The following CCDC91 variants were observed in gnomAD, a reference collection of about 807,000 sequenced individuals.
CCDC91 encodes coiled-coil domain containing 91.
Under a neutral mutation model 63.2 loss-of-function variants are expected in CCDC91, and 48 were observed. That is an observed-to-expected ratio of 0.76 (90% confidence interval 0.60 to 0.97). CCDC91 has a LOEUF of 0.97. Among genes scored for constraint, CCDC91 ranks in the 50% least tolerant of loss-of-function variants. The pLI, the probability that CCDC91 is intolerant of heterozygous loss-of-function variation, is 0.00. For synonymous variants in CCDC91, 167 were observed against 165.8 expected (o/e 1.01, Z -0.06); for missense variants, 500 against 494.6 (o/e 1.01, Z -0.10).
intron 8 of CCDC91, among the ~76,000 whole-genome samples, chr12:28,436,402 A>G (rs1474302794): frequency 6.6e-6 from 1 of 151,844 alleles, no homozygotes; most frequent in African/African-American, 2.4e-5. Context: ...AAATTCTTCC[A>G]TTCTGTCCCT....
chr12:28,210,614 C>T (rs1943167484), intron 1 of CCDC91, among the ~76,000 whole-genome samples: 1 of 152,072 alleles, frequency 6.6e-6, no homozygotes, highest in Non-Finnish European at 1.5e-5. Context: ...TGAATATCTG[C>T]TTTTAATTAA....
chr12:28,462,248 G>T (rs1424898629), intron 11 of CCDC91, among the ~76,000 whole-genome samples: 1 of 152,070 alleles, frequency 6.6e-6, no homozygotes, highest in Non-Finnish European at 1.5e-5. Flanking sequence ...ACATGAGAGT[G>T]TTATTATCCC....
intron 7 of CCDC91, among the ~76,000 whole-genome samples, chr12:28,383,686 G>C (rs563390994): frequency 7.2e-4 from 110 of 152,180 alleles, no homozygotes; most frequent in African/African-American, 2.6e-3. Context: ...TTGAGTGTTT[G>C]TCCCAGAGAA....
At chr12:28,293,958 C>T (rs982192999) in intron 3 of CCDC91, among the ~76,000 whole-genome samples, 1 of 152,038 alleles carries the variant, frequency 6.6e-6, no homozygotes, top group African/African-American at 2.4e-5. Flanking sequence ...CACACACACG[C>T]CCAAAATCTT....
At chr12:28,467,453 A>T (rs1479343333) in intron 11 of CCDC91, among the ~76,000 whole-genome samples, 2 of 152,082 alleles carry the variant, frequency 1.3e-5, no homozygotes, top group African/African-American at 2.4e-5. Flanking sequence ...GCACCCAGGT[A>T]TATAAAGCAA....
intron 7 of CCDC91, among the ~76,000 whole-genome samples, chr12:28,366,548 C>G (rs1347884420): frequency 6.6e-6 from 1 of 152,190 alleles, no homozygotes; most frequent in Non-Finnish European, 1.5e-5. Flanking sequence ...TATCTCCTCA[C>G]TGGGGTGGTG....
chr12:28,509,242 C>G (rs1939098439), intron 12 of CCDC91, among the ~76,000 whole-genome samples: 1 of 151,894 alleles, frequency 6.6e-6, no homozygotes, highest in Non-Finnish European at 1.5e-5. Context: ...ATCTAGCACT[C>G]TCTCATACGT....
chr12:28,444,965 T>A (rs576329355), intron 8 of CCDC91, among the ~76,000 whole-genome samples: 2 of 152,214 alleles, frequency 1.3e-5, no homozygotes, highest in Non-Finnish European at 2.9e-5. Flanking sequence ...ACACCTTTTC[T>A]TTTTCTTTCT....
intron 11 of CCDC91, among the ~76,000 whole-genome samples, chr12:28,470,287 A>G (rs534953938): frequency 6.6e-6 from 1 of 152,172 alleles, no homozygotes; most frequent in Non-Finnish European, 1.5e-5. Flanking sequence ...TTGAAAAGAC[A>G]TTTCTCAAAA....
At chr12:28,308,035 T>C (rs1938929928) in intron 6 of CCDC91, among the ~76,000 whole-genome samples, 2 of 152,042 alleles carry the variant, frequency 1.3e-5, no homozygotes, top group Admixed American at 6.6e-5. Flanking sequence ...ATTTTTGTTA[T>C]AATAATTACA....
intron 8 of CCDC91, among the ~76,000 whole-genome samples, chr12:28,414,406 T>C (rs1387695341): frequency 3.3e-5 from 5 of 152,150 alleles, no homozygotes; most frequent in African/African-American, 4.8e-5. Flanking sequence ...AAAGTAGATA[T>C]AGATTACTAT....
At position 28,493,692 on chromosome 12, in the gene CCDC91, T is replaced by C. The variant is rs557116412; in HGVS notation, c.1215+9527T>C. ...ACCTAACCTTCAAAATACATTCTTC[T>C]TCCATACTTACATATAGTAACAGTA... On this transcript the variant is annotated intron_variant, in intron 12 of 12. Transcript: ENST00000536442. 2.2e-4 allele frequency among the ~76,000 whole-genome samples: 34 copies of C among 151,898 alleles called. No homozygotes were observed. In the East Asian group the frequency reaches 6.4e-3, roughly 29 times the overall value.
chr12:28,446,044 A>C (rs957724244), intron 8 of CCDC91, among the ~76,000 whole-genome samples: 1 of 143,200 alleles, frequency 7.0e-6, no homozygotes, highest in African/African-American at 2.4e-5. Flanking sequence ...GAACTCATAA[A>C]GGGCAAGAGC....
intron 12 of CCDC91, among the ~76,000 whole-genome samples, chr12:28,501,218 C>T (rs1205387949): frequency 2.6e-5 from 4 of 151,880 alleles, no homozygotes; most frequent in African/African-American, 7.2e-5. Context: ...TGTCTAATTG[C>T]CCTGGCCAGA....
At chr12:28,248,654 A>G (rs1344359183) in intron 1 of CCDC91, among the ~76,000 whole-genome samples, 1 of 152,270 alleles carries the variant, frequency 6.6e-6, no homozygotes, top group Non-Finnish European at 1.5e-5. Context: ...TTCATTTTGC[A>G]TAATAAAAAG....
At chr12:28,222,147 T>G (rs1943990851) in intron 1 of CCDC91, among the ~76,000 whole-genome samples, 1 of 152,234 alleles carries the variant, frequency 6.6e-6, no homozygotes, top group Non-Finnish European at 1.5e-5. Context: ...TTTTTCTAGT[T>G]GCTTAGAAAC....
intron 1 of CCDC91, among the ~76,000 whole-genome samples, chr12:28,196,201 G>T (rs1591939438): frequency 1.3e-5 from 2 of 152,134 alleles, no homozygotes; most frequent in South Asian, 2.1e-4. Context: ...CGCATATTTT[G>T]TTATGTTTGT....
At chr12:28,395,563 G>A (rs547507501) in intron 8 of CCDC91, among the ~76,000 whole-genome samples, 9 of 152,218 alleles carry the variant, frequency 5.9e-5, no homozygotes, top group Admixed American at 2.0e-4. Context: ...TGTCATAAAG[G>A]ATACAACTCA....
chr12:28,268,176 G>GAA (rs1947488667), intron 3 of CCDC91, among the ~76,000 whole-genome samples: 1 of 150,832 alleles, frequency 6.6e-6, no homozygotes, highest in Non-Finnish European at 1.5e-5. Flanking sequence ...AGCTTTTCCT[G>GAA]CCTCAGCCTC....
Sources: allele counts gnomAD v4.1 joint callset (sites outside exome capture counted in the v4.1 genomes callset), GRCh38; gene constraint gnomAD v4.1.1; transcripts MANE v1.5; gene names NCBI Gene and HGNC (gene_info 2026-07-23, HGNC 2026-07-21).